Variants in TUSC3 observed in about 807,000 individuals in gnomAD.
TUSC3 encodes the protein tumor suppressor candidate 3, also known as dolichyl-diphosphooligosaccharide--protein glycosyltransferase subunit TUSC3.
In TUSC3, 45 loss-of-function variants were observed where a neutral mutation model predicts 44.8. The ratio of observed to expected loss-of-function variants is 1.00; its 90% confidence interval spans 0.79 to 1.29. TUSC3 has a LOEUF of 1.29. Ranked by LOEUF, TUSC3 falls within the 50% of genes most tolerant of loss-of-function variation. The pLI is 0.00. For synonymous variants in TUSC3, 212 were observed against 152.9 expected (o/e 1.39, Z -2.85); for missense variants, 519 against 437.9 (o/e 1.19, Z -1.65).
Position 15,527,105 on chromosome 8 carries a change from A to C in TUSC3, n.189+43622A>C, listed in dbSNP as rs187417822. 4.9e-4 allele frequency among the ~76,000 whole-genome samples: 74 copies of C among 152,320 alleles called. No homozygotes were observed. The East Asian group carries it at 0.013, about 27-fold the overall frequency. ...TAACAAAATGTTTACTATAATTTGC[A>C]TATTGGCGTGCACTGCTTAGCTGTC... is the stretch of plus-strand genomic sequence containing the variant. On this transcript the variant is annotated intron_variant and non_coding_transcript_variant, in intron 2 of 5. Transcript: ENST00000503191.
rs543450496 is a variant in TUSC3, at chr8:15,545,036, T to C, written c.138+4468T>C. Among the ~76,000 whole-genome samples the C allele has an allele frequency of 2.6e-5, 4 of 151,984 alleles. No individual in the cohort carries two copies. The South Asian group carries it at 8.3e-4, about 32-fold the overall frequency. On this transcript the variant is annotated intron_variant, in intron 1 of 10. Coordinates refer to ENST00000503731, the MANE Select transcript of TUSC3 (RefSeq NM_006765.4). ...TTTTACATGTTACATACGTATTATG[T>C]GTTACACACATGTATACATAATACC...
intron 1 of TUSC3, among the ~76,000 whole-genome samples, chr8:15,436,708 ACATTT>A (rs1003478813): frequency 2.2e-4 from 33 of 152,348 alleles, no homozygotes; most frequent in African/African-American, 7.9e-4. Flanking sequence ...AAAAAAATAC[ACATTT>A]CATAAGAAAA....
intron 1 of TUSC3, among the ~76,000 whole-genome samples, chr8:15,457,720 CTAA>C (rs1355883286): frequency 6.9e-6 from 1 of 145,892 alleles, no homozygotes; most frequent in Non-Finnish European, 1.5e-5. Context: ...AAATAATAAT[CTAA>C]TAAAATAAAA....
At chr8:15,540,059 T>A (rs375985578), upstream of TUSC3, among the ~76,000 whole-genome samples, 25 of 152,250 alleles carry the variant, frequency 1.6e-4, no homozygotes, top group African/African-American at 5.3e-4. Context: ...GACTACCCAG[T>A]AATTGGGTTC....
At chr8:15,560,373 G>A (rs1213511885) in intron 1 of TUSC3, among the ~76,000 whole-genome samples, 8 of 139,616 alleles carry the variant, frequency 5.7e-5, no homozygotes, top group South Asian at 4.9e-4. Flanking sequence ...TGAGAGATCC[G>A]CTGTTAGTCT....
the TUSC3 span, among the ~76,000 whole-genome samples, chr8:15,819,809 A>G: frequency 8.9e-4 from 135 of 152,314 alleles, no homozygotes; most frequent in African/African-American, 3.2e-3. Flanking sequence ...GGCATTCTAG[A>G]AAGGCTGAAA....
At chr8:15,525,027 C>G (rs531904979) in intron 2 of TUSC3, among the ~76,000 whole-genome samples, 2 of 152,150 alleles carry the variant, frequency 1.3e-5, no homozygotes, top group African/African-American at 4.8e-5. Context: ...GGAACAAAAG[C>G]CTGCAACTGT....
intron 2 of TUSC3, among the ~76,000 whole-genome samples, chr8:15,527,798 A>G (rs1801395673): frequency 6.6e-6 from 1 of 152,196 alleles, no homozygotes; most frequent in African/African-American, 2.4e-5. Context: ...TCAATAGACA[A>G]AATAAGCTCT....
intron 2 of TUSC3, among the ~76,000 whole-genome samples, chr8:15,521,988 A>G (rs1009837604): frequency 1.7e-4 from 26 of 152,232 alleles, no homozygotes; most frequent in African/African-American, 5.5e-4. Context: ...AGGTAACTCA[A>G]ACTACTGGGG....
At chr8:15,743,079 A>T (rs1476810922) in intron 7 of TUSC3, among the ~76,000 whole-genome samples, 1 of 152,240 alleles carries the variant, frequency 6.6e-6, no homozygotes, top group African/African-American at 2.4e-5. Flanking sequence ...TTCAAGTGAC[A>T]TGATACCGGA....
chr8:15,834,023 G>A, the TUSC3 span, among the ~76,000 whole-genome samples: 1 of 151,696 alleles, frequency 6.6e-6, no homozygotes, highest in East Asian at 2.0e-4. Context: ...AGTTCAATTT[G>A]TCTATCATAC....
At chr8:15,472,621 A>C (rs1405714217) in intron 1 of TUSC3, among the ~76,000 whole-genome samples, 1 of 152,310 alleles carries the variant, frequency 6.6e-6, no homozygotes, top group East Asian at 1.9e-4. Context: ...TCTGAAACAC[A>C]GCTCATTTCA....
At chr8:15,697,924 T>C (rs918827156) in intron 6 of TUSC3, among the ~76,000 whole-genome samples, 16 of 152,364 alleles carry the variant, frequency 1.1e-4, no homozygotes, top group Middle Eastern at 3.4e-3. Context: ...AATTACCTTA[T>C]ACAGATTATA....
At chr8:15,735,108 G>A (rs558479786) in intron 7 of TUSC3, among the ~76,000 whole-genome samples, 7 of 152,092 alleles carry the variant, frequency 4.6e-5, no homozygotes, top group Non-Finnish European at 1.0e-4. Context: ...TGCCTGTTTA[G>A]GGAACAGAAA....
chr8:15,476,238 A>G (rs956772417), intron 1 of TUSC3, among the ~76,000 whole-genome samples: 1 of 152,208 alleles, frequency 6.6e-6, no homozygotes, highest in African/African-American at 2.4e-5. Context: ...CCTGAGTAGG[A>G]TGAAAAAATA....
chr8:15,424,040 G>C (rs1031858869), intron 1 of TUSC3, among the ~76,000 whole-genome samples: 2 of 126,272 alleles, frequency 1.6e-5, no homozygotes, highest in Non-Finnish European at 3.2e-5. Flanking sequence ...GCCCATGCTG[G>C]AGTGCACTGG....
At chr8:15,568,652 C>T (rs1802759771) in intron 1 of TUSC3, among the ~76,000 whole-genome samples, 1 of 148,918 alleles carries the variant, frequency 6.7e-6, no homozygotes, top group Non-Finnish European at 1.5e-5. Context: ...GCCTAGGCTG[C>T]AGTGCAGTGG....
At chr8:15,817,706 G>C in the TUSC3 span, among the ~76,000 whole-genome samples, 37 of 152,282 alleles carry the variant, frequency 2.4e-4, no homozygotes, top group African/African-American at 8.4e-4. Context: ...AAGCCCTGTA[G>C]AACTGTGAGT....
chr8:15,783,069 C>T, the TUSC3 span, among the ~76,000 whole-genome samples: 18 of 152,070 alleles, frequency 1.2e-4, no homozygotes, highest in Non-Finnish European at 2.1e-4. Context: ...TAACAATGAA[C>T]TATCTGAAAA....
Sources: gnomAD v4.1 joint callset for allele counts (sites outside exome capture counted in the v4.1 genomes callset) on GRCh38, gnomAD v4.1.1 for gene constraint, MANE v1.5 for transcripts, NCBI Gene and HGNC (gene_info 2026-07-23, HGNC 2026-07-21) for gene names.